The following VEPH1 variants were observed in gnomAD, a reference collection of about 807,000 sequenced individuals.
VEPH1 encodes ventricular zone expressed PH domain containing 1.
In VEPH1, 80 loss-of-function variants were observed where a neutral mutation model predicts 85.2. That is an observed-to-expected ratio of 0.94 (90% CI 0.78 to 1.13). The LOEUF is 1.13. Among genes scored for constraint, VEPH1 ranks in the 50% most tolerant of loss-of-function variants. The pLI, the probability that VEPH1 is intolerant of heterozygous loss-of-function variation, is 0.00. For missense variants in VEPH1, 955 were observed against 980.5 expected (o/e 0.97, Z 0.35); for synonymous variants, 297 against 348.0 (o/e 0.85, Z 1.63).
intron 6 of VEPH1, among the ~76,000 whole-genome samples, chr3:157,386,392 G>T (rs1467082207): frequency 6.6e-6 from 1 of 151,410 alleles, no homozygotes; most frequent in Admixed American, 6.6e-5. Flanking sequence ...TTCCCATTTA[G>T]CCAGAGAGAA....
At chr3:157,477,221 T>C (rs1737565068) in intron 2 of VEPH1, among the ~76,000 whole-genome samples, 1 of 151,724 alleles carries the variant, frequency 6.6e-6, no homozygotes, top group African/African-American at 2.4e-5. Context: ...TTCTAGCTTC[T>C]AGAGGCCACC....
chr3:157,413,953 C>G lies in VEPH1; in HGVS notation c.834G>C (p.Glu278Asp). Residue 278 changes from glutamate (E) to aspartate (D), a missense_variant, in exon 6 of 14, where the codon GAG (glutamate) becomes GAC (aspartate). Transcript: ENST00000362010. The stretch of plus-strand genomic sequence containing the variant: ...TGAGGTAGGGGAATCTCTCACCAAT[C>G]TCTTTCAGCATTGGAAGAAAACTGT... ...ALNSFLPMLK[E>D]IGERFPYLTG... The G allele has an allele frequency of 1.2e-6, 2 of 1,613,688 alleles. No individual in the cohort carries two copies. The highest frequency in any genetic ancestry group is 1.7e-6 in the Non-Finnish European group (2 of 1,179,760).
At chr3:157,405,871 T>G (rs1381109145) in intron 6 of VEPH1, among the ~76,000 whole-genome samples, 1 of 152,188 alleles carries the variant, frequency 6.6e-6, no homozygotes, top group Non-Finnish European at 1.5e-5. Flanking sequence ...GACCATGTCT[T>G]TCTCTCCTCT....
At position 157,396,920 on chromosome 3, in the gene VEPH1, T is replaced by G. The variant is rs548162607; in HGVS notation, c.907-15544A>C. ...TGTTCACTCTGATGATAGTTTATTT[T>G]GCTGTGCAGAAGCTCTTTAATTAGA... On this transcript the variant is annotated intron_variant, in intron 6 of 13. Coordinates refer to ENST00000362010, the MANE Select transcript of VEPH1 (RefSeq NM_001167912.2). Among the ~76,000 whole-genome samples the G allele has an allele frequency of 7.2e-5, 11 of 152,352 alleles. No individual in the cohort carries two copies. The South Asian group carries it at 2.3e-3, about 32-fold the overall frequency.
chr3:157,450,936 T>C (rs1734922622), intron 4 of VEPH1, among the ~76,000 whole-genome samples: 1 of 152,148 alleles, frequency 6.6e-6, no homozygotes. Context: ...ATGTTAACTA[T>C]TATTTACTTT....
chr3:157,300,453 GA>G (rs1718659651), intron 11 of VEPH1, among the ~76,000 whole-genome samples: 1 of 152,092 alleles, frequency 6.6e-6, no homozygotes, highest in Non-Finnish European at 1.5e-5. Context: ...TGTGAAATAT[GA>G]AAGAAATATA....
At chr3:157,292,935 A>C (rs1474221688) in intron 11 of VEPH1, among the ~76,000 whole-genome samples, 1 of 150,656 alleles carries the variant, frequency 6.6e-6, no homozygotes, top group South Asian at 2.1e-4. Flanking sequence ...GTGAGCTGAG[A>C]TCGCACCATT....
intron 12 of VEPH1, among the ~76,000 whole-genome samples, chr3:157,272,270 TTCCTTCCTTC>T: frequency 2.5e-5 from 1 of 40,052 alleles, no homozygotes; most frequent in Non-Finnish European, 7.2e-5. Context: ...CCTTCCTTCC[TTCCTTCCTTC>T]CTTCCTTCCT....
chr3:157,351,007 C>T (rs2108709439), intron 9 of VEPH1, among the ~76,000 whole-genome samples: 1 of 152,278 alleles, frequency 6.6e-6, no homozygotes, highest in Non-Finnish European at 1.5e-5. Flanking sequence ...CACAGCAATC[C>T]CACTACTGGG....
chr3:157,318,607 A>C (rs1044105544), intron 9 of VEPH1, among the ~76,000 whole-genome samples: 9 of 140,732 alleles, frequency 6.4e-5, no homozygotes, highest in East Asian at 2.1e-4. Context: ...ACTCCGTCCC[A>C]AAAAAACAAA....
intron 2 of VEPH1, among the ~76,000 whole-genome samples, chr3:157,490,085 T>G (rs747115737): frequency 3.9e-5 from 6 of 152,064 alleles, no homozygotes; most frequent in Non-Finnish European, 8.8e-5. Context: ...GATAGAAATG[T>G]AATGTCTATA....
intron 12 of VEPH1, among the ~76,000 whole-genome samples, chr3:157,275,445 A>G (rs1168849413): frequency 6.6e-6 from 1 of 152,034 alleles, no homozygotes; most frequent in African/African-American, 2.4e-5. Flanking sequence ...GTGTGGTGGC[A>G]TGCGCCTGTA....
intron 9 of VEPH1, among the ~76,000 whole-genome samples, chr3:157,341,739 T>A (rs1427451478): frequency 6.6e-6 from 1 of 151,594 alleles, no homozygotes; most frequent in African/African-American, 2.4e-5. Flanking sequence ...TCACCAAAGT[T>A]GAAATGAAGG....
At chr3:157,437,680 G>C in intron 4 of VEPH1, 1 of 1,535,154 alleles carries the variant, frequency 6.5e-7, no homozygotes, top group South Asian at 1.2e-5. Flanking sequence ...GGAAAGCCTG[G>C]CGAGGCCGTG....
At chr3:157,277,757 A>AT (rs1257610948) in intron 12 of VEPH1, among the ~76,000 whole-genome samples, 1 of 152,254 alleles carries the variant, frequency 6.6e-6, no homozygotes, top group Non-Finnish European at 1.5e-5. Context: ...ATATATGAAT[A>AT]TATCACACAT....
At chr3:157,451,153 T>C (rs1734938201) in intron 4 of VEPH1, among the ~76,000 whole-genome samples, 1 of 152,234 alleles carries the variant, frequency 6.6e-6, no homozygotes, top group African/African-American at 2.4e-5. Context: ...TTTAAAGAGA[T>C]TGTAATGATC....
chr3:157,446,862 G>A (rs1734592471), intron 4 of VEPH1, among the ~76,000 whole-genome samples: 1 of 152,108 alleles, frequency 6.6e-6, no homozygotes. Context: ...TCAAATCCTG[G>A]CACCATCACC....
chr3:157,325,821 CT>C (rs1721837013), intron 9 of VEPH1, among the ~76,000 whole-genome samples: 1 of 152,082 alleles, frequency 6.6e-6, no homozygotes, highest in African/African-American at 2.4e-5. Context: ...TCAGGCTCTT[CT>C]TTGGTTCCAG....
Position 157,281,546 on chromosome 3 carries a change from T to C in VEPH1, c.2128+5011A>G, listed in dbSNP as rs548785853. ...TACATCAAAATCGAGTTTTCTTTTT[T>C]TTTTTTCTTTTGAGATGGAGTCTCG... is the stretch of plus-strand genomic sequence containing the variant. On this transcript the variant is annotated intron_variant, in intron 12 of 13. Transcript: ENST00000362010. Among the ~76,000 whole-genome samples the C allele has an allele frequency of 3.9e-5, 6 of 152,216 alleles. 1 individual carries two copies. The South Asian group carries it at 1.0e-3, about 26-fold the overall frequency.
Sources: gnomAD v4.1 joint callset for allele counts (sites outside exome capture counted in the v4.1 genomes callset) on GRCh38, gnomAD v4.1.1 for gene constraint, MANE v1.5 for transcripts, NCBI Gene and HGNC (gene_info 2026-07-23, HGNC 2026-07-21) for gene names.